Variants in PID1 observed in about 807,000 individuals in gnomAD.
The protein encoded by PID1 is phosphotyrosine interaction domain containing 1.
A neutral mutation model predicts 19.1 loss-of-function variants in PID1; 10 were observed. That is an observed-to-expected ratio of 0.52 (90% confidence interval 0.32 to 0.89). PID1 has a LOEUF of 0.89. PID1 is among the 40% of genes least tolerant of loss of function. PID1 has a pLI of 0.03. For synonymous variants in PID1, 130 were observed against 116.0 expected (o/e 1.12, Z -0.78); for missense variants, 248 against 285.3 (o/e 0.87, Z 0.94).
At chr2:229,213,894 C>A (rs1269296649) in intron 1 of PID1, among the ~76,000 whole-genome samples, 1 of 152,204 alleles carries the variant, frequency 6.6e-6, no homozygotes, top group Non-Finnish European at 1.5e-5. Context: ...TCTACATAAT[C>A]TTTAACTATG....
intron 2 of PID1, among the ~76,000 whole-genome samples, chr2:229,058,134 G>C (rs947926745): frequency 1.3e-5 from 2 of 152,168 alleles, no homozygotes; most frequent in Admixed American, 1.3e-4. Context: ...CCAAATACTA[G>C]AGAGTTACTT....
chr2:229,025,603 C>T lies in PID1; in HGVS notation c.*29G>A, dbSNP rs1422152281. On this transcript the variant is annotated 3_prime_UTR_variant, in exon 3 of 3. Transcript: ENST00000392055. The stretch of plus-strand genomic sequence containing the variant: ...ATTCCCTTGAACTCCGTGACCAATG[C>T]TGCCTTTGCTGAAGCGTCTCAAGTT... 3.3e-6 allele frequency: 5 copies of T among 1,528,224 alleles called. No homozygotes were observed. Among genetic ancestry groups the T allele is most frequent in the Non-Finnish European group, 4.5e-6 (5 of 1,107,510 alleles). 94.7% of individuals were successfully genotyped at this position (1,528,224 alleles called of 1,614,324 possible).
At chr2:229,191,526 G>A (rs1691260126) in intron 1 of PID1, among the ~76,000 whole-genome samples, 4 of 152,068 alleles carry the variant, frequency 2.6e-5, no homozygotes, top group South Asian at 4.1e-4. Flanking sequence ...AGAGATCTTC[G>A]TCATGAATAA....
intron 2 of PID1, among the ~76,000 whole-genome samples, chr2:229,116,025 C>T (rs1282395994): frequency 2.0e-5 from 3 of 151,934 alleles, no homozygotes; most frequent in Non-Finnish European, 4.4e-5. Context: ...TGGAGACGAC[C>T]ATCCTGGCTA....
intron 1 of PID1, among the ~76,000 whole-genome samples, chr2:229,204,323 C>CA (rs1308707558): frequency 1.3e-5 from 2 of 151,982 alleles, no homozygotes; most frequent in Non-Finnish European, 2.9e-5. Flanking sequence ...GTACTACATA[C>CA]AAAAAATGAT....
chr2:229,146,835 G>A (rs541255368), intron 2 of PID1, among the ~76,000 whole-genome samples: 1 of 152,240 alleles, frequency 6.6e-6, no homozygotes, highest in South Asian at 2.1e-4. Flanking sequence ...TGACCACCAT[G>A]CAGAGATTGC....
In PID1 at chr2:229,031,021, G is replaced by T. The variant is rs565058953; in HGVS notation, c.178-4913C>A. ...TCACAAGGTCAGGAGTTTGAGACCA[G>T]CCTGGCCAATATGGTGAAACCCCAT... is the stretch of plus-strand genomic sequence containing the variant. On this transcript the variant is annotated intron_variant, in intron 2 of 2. Transcript: ENST00000392055. Among the ~76,000 whole-genome samples the T allele has an allele frequency of 4.6e-5, 7 of 151,906 alleles. No homozygotes were observed. The South Asian group carries it at 1.2e-3, about 27-fold the overall frequency.
intron 2 of PID1, among the ~76,000 whole-genome samples, chr2:229,148,410 C>A (rs188302813): frequency 6.6e-6 from 1 of 152,180 alleles, no homozygotes; most frequent in Non-Finnish European, 1.5e-5. Flanking sequence ...GGAGCCATAT[C>A]CACTTTCTCT....
intron 2 of PID1, among the ~76,000 whole-genome samples, chr2:229,110,150 C>T (rs1254566272): frequency 2.6e-5 from 4 of 152,168 alleles, no homozygotes; most frequent in Admixed American, 2.6e-4. Flanking sequence ...AGCGTGTTAA[C>T]AAGACCTCTA....
At chr2:229,263,565 G>A (rs767259552) in intron 1 of PID1, among the ~76,000 whole-genome samples, 1 of 152,158 alleles carries the variant, frequency 6.6e-6, no homozygotes, top group African/African-American at 2.4e-5. Context: ...GCCAAGGTAT[G>A]ACCATCTGCT....
At chr2:229,095,798 A>AT (rs1256590544) in intron 2 of PID1, among the ~76,000 whole-genome samples, 1 of 152,200 alleles carries the variant, frequency 6.6e-6, no homozygotes, top group Non-Finnish European at 1.5e-5. Flanking sequence ...ATGAGCAGTC[A>AT]TAAAAAAAAG....
intron 1 of PID1, among the ~76,000 whole-genome samples, chr2:229,267,078 GCAGAGAAAGGGTGAGATAATCCT>G (rs1176078730): frequency 6.6e-6 from 1 of 152,224 alleles, no homozygotes; most frequent in Non-Finnish European, 1.5e-5. Context: ...ATAGGACAAG[GCAGAGAAAGGGTGAGATAATCCT>G]CAGAGGAGGA....
At chr2:229,185,926 G>A (rs12621683) in intron 1 of PID1, among the ~76,000 whole-genome samples, 135,616 of 152,228 alleles carry the variant, frequency 0.89, 60,562 homozygotes, top group African/African-American at 0.94. Context: ...ATAGTCCAAA[G>A]TCTCATCCAA....
chr2:229,205,123 A>G (rs1363895711), intron 1 of PID1, among the ~76,000 whole-genome samples: 1 of 152,196 alleles, frequency 6.6e-6, no homozygotes, highest in Non-Finnish European at 1.5e-5. Context: ...TCCTGAAAAC[A>G]TAAATGTTTA....
At position 229,025,905 on chromosome 2, in the gene PID1, G is replaced by A. The variant is rs949213990; in HGVS notation, c.381C>T (p.Thr127=). ...HKGEATVHMD[T]FQVARIAYCT... ...AGTAGGCGATGCGGGCCACCTGGAA[G>A]GTATCCATGTGCACTGTGGCCTCCC... is the stretch of plus-strand genomic sequence containing the variant. The change falls in exon 3 of 3, where the codon ACC becomes ACT. Residue 127 remains threonine (T), a synonymous_variant. Coordinates refer to ENST00000392055, the MANE Select transcript of PID1 (RefSeq NM_001100818.2). 2 of 1,614,226 alleles carry A rather than the reference G, an allele frequency of 1.2e-6. No homozygotes were observed. Among genetic ancestry groups the A allele is most frequent in the East Asian group, 2.2e-5 (1 of 44,880 alleles).
At chr2:229,128,940 C>G (rs1335898338) in intron 2 of PID1, among the ~76,000 whole-genome samples, 2 of 152,148 alleles carry the variant, frequency 1.3e-5, no homozygotes, top group East Asian at 3.8e-4. Context: ...GGGATGGATA[C>G]CCCATTCTCC....
At chr2:229,118,042 AT>A (rs1303536067) in intron 2 of PID1, among the ~76,000 whole-genome samples, 1 of 152,066 alleles carries the variant, frequency 6.6e-6, no homozygotes. Flanking sequence ...GATACTTAGG[AT>A]TTTCTTTACT....
intron 2 of PID1, among the ~76,000 whole-genome samples, chr2:229,092,859 T>C (rs1458649089): frequency 6.6e-6 from 1 of 152,224 alleles, no homozygotes; most frequent in African/African-American, 2.4e-5. Flanking sequence ...TTTTGTTTCT[T>C]GCCAAATTCT....
intron 1 of PID1, among the ~76,000 whole-genome samples, chr2:229,242,158 C>A (rs916941286): frequency 6.6e-6 from 1 of 152,102 alleles, no homozygotes; most frequent in Non-Finnish European, 1.5e-5. Context: ...AGGTGGGAGC[C>A]ACCATGCCTG....
Sources: allele counts gnomAD v4.1 joint callset (sites outside exome capture counted in the v4.1 genomes callset), GRCh38; gene constraint gnomAD v4.1.1; transcripts MANE v1.5; gene names NCBI Gene and HGNC (gene_info 2026-07-23, HGNC 2026-07-21).